The following NAV1 variants were observed in gnomAD, a reference collection of about 807,000 sequenced individuals.
NAV1 encodes pore membrane and/or filament interacting like protein 3.
NAV1 carries 18 observed loss-of-function variants against 175.2 expected under a neutral mutation model. The observed-to-expected ratio is 0.10, with a 90% CI of 0.07 to 0.15. NAV1 has a LOEUF of 0.15. NAV1 is among the 10% of genes least tolerant of loss of function. The pLI is 1.00. For missense variants in NAV1, 1,731 were observed against 2,436.6 expected (o/e 0.71, Z 6.10); for synonymous variants, 897 against 978.7 (o/e 0.92, Z 1.56).
At chr1:201,667,620 A>G (rs1571873217) in intron 1 of NAV1, among the ~76,000 whole-genome samples, 2 of 152,340 alleles carry the variant, frequency 1.3e-5, no homozygotes, top group South Asian at 2.1e-4. Flanking sequence ...TGCGCTGCCT[A>G]TCACAGTAGC....
exon 1 of NAV1, chr1:201,648,383 C>G: frequency 4.1e-6 from 5 of 1,227,996 alleles, no homozygotes; most frequent in Non-Finnish European, 5.1e-6. Flanking sequence ...GTATTTTCCC[C>G]GCCGCCCCGC....
upstream of NAV1, among the ~76,000 whole-genome samples, chr1:201,619,432 C>T (rs1415742132): frequency 2.0e-5 from 3 of 152,176 alleles, no homozygotes; most frequent in Admixed American, 2.0e-4. Context: ...AAGGTAGAGT[C>T]AAGATTTAGT....
chr1:201,779,284 T>C (rs1676149826), intron 3 of NAV1, among the ~76,000 whole-genome samples: 1 of 152,050 alleles, frequency 6.6e-6, no homozygotes, highest in Admixed American at 6.6e-5. Context: ...TGACTGAAAC[T>C]TGTTAAACCC....
chr1:201,781,273 A>G, exon 5 of NAV1: 1 of 1,613,702 alleles, frequency 6.2e-7, no homozygotes, highest in South Asian at 1.1e-5. Context: ...AACTTCCCCC[A>G]TCACTCACAC....
chr1:201,734,618 C>A (rs1673032536), intron 3 of NAV1, among the ~76,000 whole-genome samples: 1 of 151,970 alleles, frequency 6.6e-6, no homozygotes, highest in Non-Finnish European at 1.5e-5. Flanking sequence ...AACGGAGAAC[C>A]ACTGGAGTGC....
chr1:201,809,901 T>C (rs775907709), intron 22 of NAV1, 45 bp from the exon 27 acceptor site: 7 of 1,564,052 alleles, frequency 4.5e-6, no homozygotes, highest in Non-Finnish European at 3.5e-6. Context: ...CTTTTACACC[T>C]GTGTTTGTAT....
At chr1:201,640,362 G>C (rs765439166) in intron 2 of NAV1, among the ~76,000 whole-genome samples, 1 of 152,202 alleles carries the variant, frequency 6.6e-6, no homozygotes, top group Non-Finnish European at 1.5e-5. Flanking sequence ...AGGTCCTGGA[G>C]GTGTGAGCCA....
intron 1 of NAV1, among the ~76,000 whole-genome samples, chr1:201,712,091 T>C (rs1159424783): frequency 2.6e-5 from 4 of 152,120 alleles, no homozygotes; most frequent in African/African-American, 9.7e-5. Flanking sequence ...TGCCCAGAGC[T>C]CACTTCAAGC....
At chr1:201,568,571 G>T (rs1003109539) in intron 1 of NAV1, among the ~76,000 whole-genome samples, 2 of 152,134 alleles carry the variant, frequency 1.3e-5, no homozygotes, top group Admixed American at 1.3e-4. Context: ...CCAGGCAGAC[G>T]TGAGTTTGAT....
chr1:201,805,545 T>C (rs1426714989), intron 17 of NAV1, among the ~76,000 whole-genome samples: 2 of 152,216 alleles, frequency 1.3e-5, no homozygotes, highest in Non-Finnish European at 2.9e-5. Context: ...AAGAGCCTGA[T>C]ACTTGTTTAA....
upstream of NAV1, among the ~76,000 whole-genome samples, chr1:201,619,351 G>T (rs1435787334): frequency 6.6e-6 from 1 of 152,200 alleles, no homozygotes; most frequent in Non-Finnish European, 1.5e-5. Context: ...ATGTAGGTGA[G>T]TTGGGCTCTT....
intron 1 of NAV1, among the ~76,000 whole-genome samples, chr1:201,702,463 T>C (rs1172359260): frequency 6.6e-6 from 1 of 152,016 alleles, no homozygotes; most frequent in East Asian, 1.9e-4. Context: ...GCCTCCCAGG[T>C]TCAAGCGATT....
chr1:201,645,318 G>GC (rs1290584028), upstream of NAV1, among the ~76,000 whole-genome samples: 3 of 145,256 alleles, frequency 2.1e-5, no homozygotes, highest in Admixed American at 2.2e-4. Context: ...ACCAAACACC[G>GC]CATGTTCTCA....
chr1:201,694,442 C>A lies in NAV1; in HGVS notation c.758-18375C>A, dbSNP rs530219145. On this transcript the variant is annotated intron_variant, in intron 1 of 29. Coordinates refer to ENST00000367296, the Ensembl canonical transcript of NAV1. The surrounding 1 kb of genome is among the most constrained non-coding windows in gnomAD (Gnocchi z 4.2). Reference sequence around the variant, plus strand: ...CCTCTGGCTCATTAAAGATAGATGACCCTGGGGAGGGTGAGGGCCGGGGTC... The same window carrying A: ...CCTCTGGCTCATTAAAGATAGATGAACCTGGGGAGGGTGAGGGCCGGGGTC... 2.0e-5 allele frequency among the ~76,000 whole-genome samples: 3 copies of A among 152,230 alleles called. No homozygotes were observed. Among genetic ancestry groups the A allele is most frequent in the Non-Finnish European group, 2.9e-5 (2 of 68,018 alleles).
chr1:201,543,648 C>T (rs1027638335), intron 1 of NAV1, among the ~76,000 whole-genome samples: 7 of 152,006 alleles, frequency 4.6e-5, no homozygotes, highest in Non-Finnish European at 1.0e-4. Context: ...AAACATCTAA[C>T]AATTATATTG....
chr1:201,612,334 G>A (rs576540997), intron 2 of NAV1, among the ~76,000 whole-genome samples: 2 of 152,262 alleles, frequency 1.3e-5, no homozygotes, highest in East Asian at 1.9e-4. Context: ...TGTGCCTGTG[G>A]TGCCAGCTAC....
chr1:201,640,579 T>G (rs1303367840), intron 2 of NAV1, among the ~76,000 whole-genome samples: 3 of 152,178 alleles, frequency 2.0e-5, no homozygotes, highest in African/African-American at 7.2e-5. Flanking sequence ...GAAGAGGGTC[T>G]CAGCCCTGAA....
At chr1:201,773,271 A>G (rs1675713907) in intron 3 of NAV1, among the ~76,000 whole-genome samples, 1 of 152,050 alleles carries the variant, frequency 6.6e-6, no homozygotes, top group Non-Finnish European at 1.5e-5. Context: ...CTGGTCTCAA[A>G]CTCCTGGCCT....
chr1:201,540,817 C>T (rs1259209632), intron 1 of NAV1, among the ~76,000 whole-genome samples: 3 of 152,302 alleles, frequency 2.0e-5, no homozygotes, highest in East Asian at 1.9e-4. Context: ...TGTTGCTAAC[C>T]ACCTGGATGA....
Sources: gnomAD v4.1 joint callset for allele counts (sites outside exome capture counted in the v4.1 genomes callset) on GRCh38, gnomAD v4.1.1 for gene constraint, Gnocchi (gnomAD v3.1) non-coding constraint, MANE v1.5 for transcripts, NCBI Gene and HGNC (gene_info 2026-07-23, HGNC 2026-07-21) for gene names.